Variants in PPP1R2 observed in about 807,000 individuals in gnomAD.
PPP1R2 encodes the protein protein phosphatase 1 regulatory inhibitor subunit 2, also known as protein phosphatase inhibitor 2.
In PPP1R2, 16 loss-of-function variants were observed where a neutral mutation model predicts 29.9. The ratio of observed to expected loss-of-function variants is 0.53; its 90% CI spans 0.36 to 0.81. The LOEUF (loss-of-function observed/expected upper bound fraction) is 0.81. PPP1R2 is among the 30% of genes least tolerant of loss of function. The pLI is 0.00. For synonymous variants in PPP1R2, 76 were observed against 91.5 expected (o/e 0.83, Z 0.96); for missense variants, 197 against 252.7 (o/e 0.78, Z 1.49).
Position 195,531,943 on chromosome 3 carries a change from C to T in PPP1R2, c.123-2042G>A, listed in dbSNP as rs923710126. 5.9e-5 allele frequency among the ~76,000 whole-genome samples: 9 copies of T among 152,328 alleles called. No homozygotes were observed. The Middle Eastern group carries it at 0.014, about 230-fold the overall frequency. ...GACCACTCTAGGTACCTCGCAGAAG[C>T]GAAATCATGAAGTATTTGTCCTTTT... On this transcript the variant is annotated intron_variant, in intron 1 of 5. Coordinates refer to ENST00000618156, the MANE Select transcript of PPP1R2 (RefSeq NM_006241.8).
At chr3:195,537,016 A>G (rs861098) in intron 1 of PPP1R2, among the ~76,000 whole-genome samples, 52,269 of 151,602 alleles carry the variant, frequency 0.34, 9,349 homozygotes, top group Non-Finnish European at 0.39. Context: ...TTTAATAAAC[A>G]CAATCCCAGC....
intron 2 of PPP1R2, 40 bp downstream of exon 2, chr3:195,529,754 G>A (rs1441352358): frequency 4.3e-6 from 6 of 1,381,990 alleles, no homozygotes; most frequent in Non-Finnish European, 6.0e-6. Context: ...ATGCAAAATG[G>A]AAGTAAGTCA....
At chr3:195,532,919 C>T (rs901383031) in intron 1 of PPP1R2, among the ~76,000 whole-genome samples, 8 of 152,196 alleles carry the variant, frequency 5.3e-5, no homozygotes, top group African/African-American at 1.9e-4. Flanking sequence ...TCAAAACATG[C>T]ACATACAACA....
intron 1 of PPP1R2, among the ~76,000 whole-genome samples, chr3:195,531,486 C>T (rs1015053299): frequency 1.3e-5 from 2 of 152,188 alleles, no homozygotes; most frequent in South Asian, 4.1e-4. Context: ...TCCATACTCT[C>T]AAAATGGTTT....
intron 1 of PPP1R2, among the ~76,000 whole-genome samples, chr3:195,535,977 G>A (rs74944698): frequency 0.056 from 8,341 of 149,422 alleles, 311 homozygotes; most frequent in South Asian, 0.17. Context: ...CCTGCTCAAT[G>A]TGAAAGACCA....
chr3:195,516,850 C>G lies in PPP1R2; in HGVS notation c.*46G>C. On this transcript the variant is annotated 3_prime_UTR_variant, in exon 6 of 6. Coordinates refer to ENST00000618156, the MANE Select transcript of PPP1R2 (RefSeq NM_006241.8). ...AACAAGAAGCAACGTACTATAGTCA[C>G]AGGGTTTACATCTAACAAACAATTG... 2 of 1,548,682 alleles carry G rather than the reference C, an allele frequency of 1.3e-6. No individual in the cohort carries two copies. The highest frequency in any genetic ancestry group is 1.8e-6 in the Non-Finnish European group (2 of 1,122,178).
At chr3:195,523,923 G>C in intron 3 of PPP1R2, 137 bp from the exon 4 acceptor site, 1 of 783,456 alleles carries the variant, frequency 1.3e-6, no homozygotes, top group Non-Finnish European at 2.1e-6. Context: ...GAAAATAAAA[G>C]GCAAGAGAGC....
chr3:195,530,626 T>G (rs1246952464), intron 1 of PPP1R2, among the ~76,000 whole-genome samples: 2 of 150,266 alleles, frequency 1.3e-5, no homozygotes, highest in African/African-American at 4.9e-5. Context: ...TCCCTGTTCA[T>G]GCGCTTCCCC....
At chr3:195,520,210 A>T (rs141907728) in intron 4 of PPP1R2, among the ~76,000 whole-genome samples, 527 of 152,268 alleles carry the variant, frequency 3.5e-3, no homozygotes, top group African/African-American at 0.012. Flanking sequence ...GGGTTTCATC[A>T]TGTTGGCCAG....
At chr3:195,524,929 G>C in intron 2 of PPP1R2, 33 bp from the exon 3 acceptor site, 1 of 1,572,786 alleles carries the variant, frequency 6.4e-7, no homozygotes, top group African/African-American at 1.4e-5. Flanking sequence ...ATTAATACCT[G>C]AAACATACAT....
chr3:195,523,628 T>C (rs1718850565), intron 4 of PPP1R2, 64 bp downstream of exon 4: 2 of 1,321,166 alleles, frequency 1.5e-6, no homozygotes, highest in East Asian at 2.3e-5. Context: ...ATCTTCCAAA[T>C]AATGGATTTA....
At chr3:195,532,419 T>C (rs1719218774) in intron 1 of PPP1R2, among the ~76,000 whole-genome samples, 1 of 152,050 alleles carries the variant, frequency 6.6e-6, no homozygotes, top group Non-Finnish European at 1.5e-5. Context: ...GTGTAATTTT[T>C]AAGGGAACTC....
At chr3:195,527,952 ATT>A in intron 2 of PPP1R2, 3 of 304,858 alleles carry the variant, frequency 9.8e-6, no homozygotes, top group South Asian at 2.5e-5. Context: ...TAGCATGCGT[ATT>A]TTTTTTTAAC....
At chr3:195,531,627 G>C (rs1217907557) in intron 1 of PPP1R2, among the ~76,000 whole-genome samples, 1 of 152,084 alleles carries the variant, frequency 6.6e-6, no homozygotes, top group Non-Finnish European at 1.5e-5. Context: ...TTTTAAAATT[G>C]TGGTAAAACA....
At chr3:195,535,079 C>T (rs1385007246) in intron 1 of PPP1R2, among the ~76,000 whole-genome samples, 10 of 152,166 alleles carry the variant, frequency 6.6e-5, no homozygotes, top group Admixed American at 3.9e-4. Flanking sequence ...CACCAGTGAG[C>T]GGTTTCGGGA....
chr3:195,525,810 C>A (rs997910519), intron 2 of PPP1R2, among the ~76,000 whole-genome samples: 3 of 152,152 alleles, frequency 2.0e-5, no homozygotes, highest in Non-Finnish European at 2.9e-5. Flanking sequence ...CCAGTTTATA[C>A]ATTTCCTGGT....
At chr3:195,519,435 T>C (rs947280135) in intron 4 of PPP1R2, 1 of 368,558 alleles carries the variant, frequency 2.7e-6, no homozygotes, top group African/African-American at 2.1e-5. Context: ...TTAGAAATTA[T>C]ATTTGTGAAG....
At chr3:195,527,869 C>CTTTT in intron 2 of PPP1R2, 1 of 314,252 alleles carries the variant, frequency 3.2e-6, no homozygotes, top group Non-Finnish European at 6.1e-6. Flanking sequence ...GATCTTGTAT[C>CTTTT]TTTTTTTTTT....
At chr3:195,532,116 G>T (rs752397203) in intron 1 of PPP1R2, among the ~76,000 whole-genome samples, 8 of 151,704 alleles carry the variant, frequency 5.3e-5, no homozygotes, top group Non-Finnish European at 1.2e-4. Context: ...CTGCAGTCTC[G>T]AACTCCTGGA....
Sources: allele counts gnomAD v4.1 joint callset (sites outside exome capture counted in the v4.1 genomes callset), GRCh38; gene constraint gnomAD v4.1.1; transcripts MANE v1.5; gene names NCBI Gene and HGNC (gene_info 2026-07-23, HGNC 2026-07-21).